SP140: variants seen among roughly 807,000 people sequenced by gnomAD.
The protein encoded by SP140 is nuclear body protein SP140.
A neutral mutation model predicts 125.0 loss-of-function variants in SP140; 81 were observed. The ratio of observed to expected loss-of-function variants is 0.65; its 90% confidence interval spans 0.54 to 0.78. The LOEUF (loss-of-function observed/expected upper bound fraction) is 0.78. Among genes scored for constraint, SP140 ranks in the 30% least tolerant of loss-of-function variants. SP140 has a pLI of 0.00. For synonymous variants in SP140, 312 were observed against 354.0 expected, an observed-to-expected ratio of 0.88 and a Z score of 1.33; for missense variants, 858 against 1,037.0, an observed-to-expected ratio of 0.83 and a Z score of 2.37.
Position 230,243,772 on chromosome 2 carries a change from C to T in SP140, c.532C>T (p.Pro178Ser), listed in dbSNP as rs748882454. ...ACHEMDDIAV[P>S]QEALSSSPRC... Reference sequence around the variant, plus strand: ...TCATGAAATGGATGATATAGCAGTGCCTCAGGAAGCCTTGAGCTCCTCGCC... The same window carrying T: ...TCATGAAATGGATGATATAGCAGTGTCTCAGGAAGCCTTGAGCTCCTCGCC... Residue 178 changes from proline to serine, a missense_variant, in exon 5 of 27, where the codon CCT (proline) becomes TCT (serine). Pro to Ser is a moderately conservative substitution (Grantham distance 74, BLOSUM62 -1). Around this residue, in one of 4 missense-constraint regions of SP140, gnomAD observed 791 missense variants for 869.5 expected, o/e 0.91. Transcript: ENST00000392045. 6.2e-6 allele frequency: 10 copies of T among 1,612,924 alleles called. No homozygotes were observed. The highest frequency in any genetic ancestry group is 1.7e-4 in the Middle Eastern group (1 of 5,904).
At chr2:230,214,041 T>A (rs764770428) in exon 3 of SP140, 1 of 152,258 alleles carries the variant, frequency 6.6e-6, no homozygotes, top group Non-Finnish European at 1.5e-5. Flanking sequence ...AAATATCCAA[T>A]GTGAGCTGGT....
rs2059180660 is a variant in SP140 at position 230,309,981 on chromosome 2, G to A, written c.2116G>A (p.Asp706Asn). 7.4e-6 allele frequency: 12 copies of A among 1,614,186 alleles called. No homozygotes were observed. The East Asian group carries it at 8.9e-5, about 12-fold the overall frequency. The change falls in exon 23 of 27, where the codon GAC becomes AAC. Residue 706 changes from aspartate (D) to asparagine (N), a missense_variant. By Grantham distance (23) the Asp-to-Asn change is conservative (BLOSUM62 1). This residue lies in a region of SP140 where 791 missense variants were observed against 869.5 expected (regional missense o/e 0.91). Transcript: ENST00000392045. ...CRDGGELFCC[D>N]TCSRVFHEDC... ...GGACGGAGGGGAGCTGTTCTGTTGC[G>A]ACACTTGTTCAAGAGTCTTCCATGA...
intron 17 of SP140, among the ~76,000 whole-genome samples, chr2:230,286,342 C>G (rs1015942052): frequency 6.6e-6 from 1 of 152,186 alleles, no homozygotes; most frequent in Non-Finnish European, 1.5e-5. Context: ...CCTAGGCAAG[C>G]CTTAGTCTGG....
chr2:230,253,350 G>C lies in SP140; in HGVS notation c.1092G>C (p.Lys364Asn). 1 of 1,612,570 alleles carries C rather than the reference G, an allele frequency of 6.2e-7. No homozygotes were observed. The highest frequency in any genetic ancestry group is 8.5e-7 in the Non-Finnish European group (1 of 1,178,674). Residue 364 changes from lysine (K) to asparagine (N), a missense_variant, in exon 11 of 27, where the codon AAG (lysine) becomes AAC (asparagine). Lys to Asn is a moderately conservative substitution (Grantham distance 94). Transcript: ENST00000392045. ...SCLSAETFDLKTPQVTNEGEP... is the reference protein window; with the variant it reads ...SCLSAETFDLNTPQVTNEGEP... ...TATCTGCAGAGACCTTTGATCTAAAGACTCCCCAAGTCACTAATGAAGGAG... is the reference window on the plus strand; with the variant it reads ...TATCTGCAGAGACCTTTGATCTAAACACTCCCCAAGTCACTAATGAAGGAG...
rs1305679399 is a variant in SP140 at position 230,251,169 on chromosome 2, G to C, written c.1057+108G>C. The stretch of plus-strand genomic sequence containing the variant: ...CCTCCAAGTATACTTCACAGTGAAA[G>C]AATGCAATTAAATCTGAGATTTTTC... On this transcript the variant is annotated intron_variant, in intron 10 of 26. Transcript: ENST00000392045. 1.0e-5 allele frequency: 9 copies of C among 877,488 alleles called. No individual in the cohort carries two copies. The East Asian group carries it at 2.3e-4, about 22-fold the overall frequency. 54.4% of individuals were successfully genotyped at this position (877,488 alleles called of 1,614,324 possible).
upstream of SP140, among the ~76,000 whole-genome samples, chr2:230,222,849 T>G (rs1428953963): frequency 1.3e-5 from 2 of 151,520 alleles, no homozygotes; most frequent in South Asian, 2.1e-4. Flanking sequence ...AGTTTTTTTT[T>G]TTTTTTTTTT....
chr2:230,265,321 G>A lies in SP140; in HGVS notation c.1241-4211G>A, dbSNP rs182532865. Among the ~76,000 whole-genome samples, 4 of 152,058 alleles carry A rather than the reference G, an allele frequency of 2.6e-5. No individual in the cohort carries two copies. The East Asian group carries it at 7.7e-4, about 29-fold the overall frequency. On this transcript the variant is annotated intron_variant, in intron 12 of 26. Transcript: ENST00000392045. Reference sequence around the variant, plus strand: ...GCCAGACTCACTCCCACCATGCCCCGCCCCAACAGCCCCCAGACCATTTCC... The same window carrying A: ...GCCAGACTCACTCCCACCATGCCCCACCCCAACAGCCCCCAGACCATTTCC...
Position 230,243,757 on chromosome 2 carries a change from G to A in SP140, c.517G>A (p.Asp173Asn). The stretch of plus-strand genomic sequence containing the variant: ...GAACAGCAATGCCTGTCATGAAATG[G>A]ATGATATAGCAGTGCCTCAGGAAGC... ...QENSNACHEM[D>N]DIAVPQEALS... Residue 173 changes from aspartate to asparagine, a missense_variant, in exon 5 of 27, where the codon GAT becomes AAT. By Grantham distance (23) the Asp-to-Asn change is conservative. Transcript: ENST00000392045. 1 of 1,612,980 alleles carries A rather than the reference G, an allele frequency of 6.2e-7. No individual in the cohort carries two copies. The highest frequency in any genetic ancestry group is 8.5e-7 in the Non-Finnish European group (1 of 1,179,360).
upstream of SP140, chr2:230,202,805 C>A: frequency 2.9e-6 from 4 of 1,366,930 alleles, no homozygotes; most frequent in South Asian, 3.5e-5. Context: ...TCAGTGACTT[C>A]CCTTCTCATG....
At chr2:230,288,459 T>C (rs867715171) in intron 18 of SP140, among the ~76,000 whole-genome samples, 1 of 32,972 alleles carries the variant, frequency 3.0e-5, no homozygotes, top group Admixed American at 3.3e-4. Flanking sequence ...CCAACTATCT[T>C]TCTTTCTTTC....
At chr2:230,206,595 T>TATATATATA (rs2043840701) in intron 1 of SP140, among the ~76,000 whole-genome samples, 1 of 70,508 alleles carries the variant, frequency 1.4e-5, no homozygotes, top group South Asian at 6.2e-4. Flanking sequence ...GGTCCAGATT[T>TATATATATA]TATATATATA....
At chr2:230,295,154 G>A (rs1481378810) in intron 21 of SP140, among the ~76,000 whole-genome samples, 1 of 152,214 alleles carries the variant, frequency 6.6e-6, no homozygotes, top group Non-Finnish European at 1.5e-5. Context: ...CCAAGACTGG[G>A]TATGAATGAG....
chr2:230,202,951 TATGA>T, upstream of SP140: 1 of 578,764 alleles, frequency 1.7e-6, no homozygotes, highest in East Asian at 3.0e-5. Flanking sequence ...TCACTCCTGG[TATGA>T]CCTGTTGCAA....
upstream of SP140, among the ~76,000 whole-genome samples, chr2:230,224,640 G>A (rs186566320): frequency 6.6e-6 from 1 of 152,316 alleles, no homozygotes; most frequent in Non-Finnish European, 1.5e-5. Flanking sequence ...AAGTGTGGAA[G>A]GGGTAGAAAT....
Position 230,312,831 on chromosome 2 carries a change from A to G in SP140, c.*147A>G. 1.7e-6 allele frequency: 1 copy of G among 602,606 alleles called. No homozygotes were observed. Among genetic ancestry groups the G allele is most frequent in the South Asian group, 1.7e-5 (1 of 58,646 alleles). The allele number at this position is 602,606 out of a possible 1,614,324, so 37.3% of individuals were successfully genotyped here. A position where few individuals can be genotyped will look rare whatever the true frequency, so the allele number is the denominator to read the frequency against. The stretch of plus-strand genomic sequence containing the variant: ...AGCCTCCTTCATCTGCCCAAAGACA[A>G]ATCCTCAAAAGGAAATTCAATCATC... On this transcript the variant is annotated 3_prime_UTR_variant, in exon 27 of 27. Coordinates refer to ENST00000392045, the MANE Select transcript of SP140 (RefSeq NM_007237.5).
upstream of SP140, among the ~76,000 whole-genome samples, chr2:230,224,926 C>T (rs1474252195): frequency 3.3e-5 from 5 of 152,168 alleles, no homozygotes; most frequent in Admixed American, 6.5e-5. Context: ...GTTTATCACT[C>T]GACTTTATGC....
At position 230,213,009 on chromosome 2, in the gene SP140, C is replaced by T. The variant is rs757092766; in HGVS notation, c.-322-645C>T. 25 of 1,613,992 alleles carry T rather than the reference C, an allele frequency of 1.5e-5. No homozygotes were observed. The East Asian group carries it at 2.0e-4, about 13-fold the overall frequency. On this transcript the variant is annotated intron_variant, in intron 1 of 4. Coordinates refer to the SP140 transcript ENST00000456542. ...TAGGATTGGTGTGTCTCTGCTCTGC[C>T]ATTCATAGGAAGCACCAACTGGGAT...
intron 1 of SP140, among the ~76,000 whole-genome samples, chr2:230,229,966 T>C (rs1486874444): frequency 2.0e-5 from 3 of 152,164 alleles, no homozygotes; most frequent in Non-Finnish European, 4.4e-5. Flanking sequence ...CTGGCTTTTT[T>C]CAATATTTTC....
At chr2:230,308,282 A>T (rs142644398) in intron 22 of SP140, among the ~76,000 whole-genome samples, 1 of 152,088 alleles carries the variant, frequency 6.6e-6, no homozygotes. Context: ...CACATTGGGT[A>T]CAGCGTACAC....
Sources: allele counts gnomAD v4.1 joint callset (sites outside exome capture counted in the v4.1 genomes callset), GRCh38; gene constraint gnomAD v4.1.1; regional missense constraint gnomAD v4.1.1; transcripts MANE v1.5; gene names NCBI Gene and HGNC (gene_info 2026-07-23, HGNC 2026-07-21).